The following LASP1 variants were observed in gnomAD, a reference collection of about 807,000 sequenced individuals.
LASP1 encodes LIM and SH3 domain protein 1.
LASP1 carries 10 observed loss-of-function variants against 38.6 expected under a neutral mutation model. The ratio of observed to expected loss-of-function variants is 0.26; its 90% CI spans 0.16 to 0.44. LASP1 has a LOEUF of 0.44. Ranked by LOEUF, LASP1 falls within the 20% of genes least tolerant of loss-of-function variation. The pLI is 1.00. For synonymous variants in LASP1, 132 were observed against 140.8 expected, an observed-to-expected ratio of 0.94 and a Z score of 0.44; for missense variants, 243 against 375.7, an observed-to-expected ratio of 0.65 and a Z score of 2.92.
At chr17:38,907,345 G>A (rs1298522566) in intron 4 of LASP1, among the ~76,000 whole-genome samples, 1 of 152,142 alleles carries the variant, frequency 6.6e-6, no homozygotes, top group Non-Finnish European at 1.5e-5. Context: ...AGAGTGAAAA[G>A]GGGTGCATTG....
chr17:38,891,515 G>A (rs1188390767), intron 3 of LASP1, among the ~76,000 whole-genome samples: 1 of 152,140 alleles, frequency 6.6e-6, no homozygotes, highest in Non-Finnish European at 1.5e-5. Context: ...TACAGATGAG[G>A]CGACTGAGGC....
intron 4 of LASP1, among the ~76,000 whole-genome samples, chr17:38,911,877 T>C (rs1914959386): frequency 6.6e-6 from 1 of 152,138 alleles, no homozygotes; most frequent in African/African-American, 2.4e-5. Context: ...CACCGCAACC[T>C]CTGCCTCCCA....
In LASP1 at chr17:38,876,704, G is replaced by A. The variant is rs563565890; in HGVS notation, c.70-1382G>A. 6.6e-5 allele frequency among the ~76,000 whole-genome samples: 10 copies of A among 150,770 alleles called. No individual in the cohort carries two copies. The East Asian group carries it at 1.4e-3, about 21-fold the overall frequency. On this transcript the variant is annotated intron_variant, in intron 1 of 6. Coordinates refer to ENST00000318008, the MANE Select transcript of LASP1 (RefSeq NM_006148.4). ...CTGTCATCACTCTCTTCCCTCCGTC[G>A]GCCACCCTGGATGGGCCCTGTGTCC...
chr17:38,897,076 G>T, intron 3 of LASP1: 1 of 985,630 alleles, frequency 1.0e-6, no homozygotes, highest in Non-Finnish European at 1.2e-6. Context: ...TGCTAGGCAG[G>T]TTCTGGACTC....
At chr17:38,905,173 TG>T (rs1914742089) in intron 4 of LASP1, among the ~76,000 whole-genome samples, 1 of 152,172 alleles carries the variant, frequency 6.6e-6, no homozygotes, top group Admixed American at 6.5e-5. Flanking sequence ...CCAGTTGCTA[TG>T]GACATTTTTG....
chr17:38,890,445 A>T lies in LASP1; in HGVS notation c.190A>T (p.Met64Leu). The T allele has an allele frequency of 1.2e-6, 2 of 1,613,932 alleles. No homozygotes were observed. Among genetic ancestry groups the T allele is most frequent in the Non-Finnish European group, 1.7e-6 (2 of 1,179,964 alleles). Residue 64 changes from methionine (M) to leucine (L), a missense_variant, in exon 3 of 7, where the codon ATG becomes TTG. Around this residue, in one of 4 missense-constraint regions of LASP1, gnomAD observed 43 missense variants for 108.3 expected, o/e 0.40. Coordinates refer to ENST00000318008, the MANE Select transcript of LASP1 (RefSeq NM_006148.4). ...NAHYPKQSFT[M>L]VADTPENLRL... ...ACACTACCCCAAGCAGTCCTTCACC[A>T]TGGTGGCGGACACCCCGGAAAACCT...
Position 38,895,801 on chromosome 17 carries a change from T to C in LASP1, c.250-2611T>C, listed in dbSNP as rs542024152. Among the ~76,000 whole-genome samples the C allele has an allele frequency of 9.8e-5, 15 of 152,292 alleles. No homozygotes were observed. In the East Asian group the frequency reaches 2.9e-3, roughly 29 times the overall value. On this transcript the variant is annotated intron_variant, in intron 3 of 6. Coordinates refer to ENST00000318008, the MANE Select transcript of LASP1 (RefSeq NM_006148.4). ...GCAAGATAGATCCAGGGAGAACAAC[T>C]AAGAACTGACAGAAAAATTAGAGTT...
intron 3 of LASP1, among the ~76,000 whole-genome samples, chr17:38,893,124 G>A (rs1001104119): frequency 6.6e-6 from 1 of 152,236 alleles, no homozygotes; most frequent in African/African-American, 2.4e-5. Context: ...GGAAACTGAG[G>A]TTTACAGAGG....
intron 3 of LASP1, among the ~76,000 whole-genome samples, chr17:38,891,085 T>G (rs573410493): frequency 6.6e-6 from 1 of 152,104 alleles, no homozygotes; most frequent in East Asian, 1.9e-4. Flanking sequence ...GAACTTGGTC[T>G]TTAGGGGACA....
chr17:38,909,936 C>CAG (rs1914886851), intron 4 of LASP1, among the ~76,000 whole-genome samples: 1 of 152,084 alleles, frequency 6.6e-6, no homozygotes, highest in South Asian at 2.1e-4. Context: ...TCAGTAGAGA[C>CAG]AGGGTTTCAC....
At position 38,902,257 on chromosome 17, in the gene LASP1, T is replaced by A. The variant is rs570851283; in HGVS notation, c.357+3738T>A. 1.3e-4 allele frequency among the ~76,000 whole-genome samples: 20 copies of A among 151,932 alleles called. No homozygotes were observed. In the South Asian group the frequency reaches 4.2e-3, roughly 32 times the overall value. ...TCTTTTTTTTGCAGAGACACTATCT[T>A]GCTATGTTGCCCAGGCTGGTCTCAA... On this transcript the variant is annotated intron_variant, in intron 4 of 6. Transcript: ENST00000318008.
At chr17:38,880,720 G>C (rs1047233211) in intron 2 of LASP1, among the ~76,000 whole-genome samples, 1 of 152,220 alleles carries the variant, frequency 6.6e-6, no homozygotes, top group Admixed American at 6.5e-5. Context: ...GAAGTTACCC[G>C]TGGGGATTCT....
chr17:38,901,463 G>C (rs193035942), intron 4 of LASP1, among the ~76,000 whole-genome samples: 1 of 152,342 alleles, frequency 6.6e-6, no homozygotes, highest in East Asian at 1.9e-4. Flanking sequence ...GCAAAGCCTG[G>C]AGACTCTTGG....
chr17:38,879,058 T>G (rs540270809), intron 2 of LASP1, among the ~76,000 whole-genome samples: 3 of 151,580 alleles, frequency 2.0e-5, no homozygotes, highest in Non-Finnish European at 2.9e-5. Flanking sequence ...ACAAACTCAG[T>G]GTTGGGGCCT....
chr17:38,896,044 C>G (rs941766031), intron 3 of LASP1, among the ~76,000 whole-genome samples: 1 of 152,180 alleles, frequency 6.6e-6, no homozygotes, highest in Non-Finnish European at 1.5e-5. Flanking sequence ...GTCCCTTCCT[C>G]CACAGGGACC....
rs1032357744 is a variant in LASP1, at chr17:38,919,393, G to T, written c.*615G>T. On this transcript the variant is annotated 3_prime_UTR_variant, in exon 7 of 7. Coordinates refer to ENST00000318008, the MANE Select transcript of LASP1 (RefSeq NM_006148.4). ...TGGGGCGAATTCATCCCCTCCCCGC[G>T]CGTTCCTTCGCACACTGTGATTTTG... 5.8e-5 allele frequency: 14 copies of T among 240,364 alleles called. No homozygotes were observed. Among genetic ancestry groups the T allele is most frequent in the African/African-American group, 3.1e-4 (14 of 45,396 alleles). The allele number at this position is 240,364 out of a possible 1,614,324, so 14.9% of individuals were successfully genotyped here.
rs1915280471 is a variant in LASP1, at chr17:38,920,867, G to A, written c.*2089G>A. On this transcript the variant is annotated 3_prime_UTR_variant, in exon 7 of 7. Transcript: ENST00000318008. ...TTTCCTCTTGATCTCAAAGCACAAT[G>A]TGGATTTGGGGACCAAAGGTCAGGG... 1 of 232,444 alleles carries A rather than the reference G, an allele frequency of 4.3e-6. No homozygotes were observed. The highest frequency in any genetic ancestry group is 8.5e-6 in the Non-Finnish European group (1 of 117,346). The allele number at this position is 232,444 out of a possible 1,614,324, so 14.4% of individuals were successfully genotyped here. A position where few individuals can be genotyped will look rare whatever the true frequency, so the allele number is the denominator to read the frequency against.
intron 1 of LASP1, chr17:38,873,835 C>T (rs761586044): frequency 3.3e-5 from 5 of 152,244 alleles, no homozygotes; most frequent in Admixed American, 2.6e-4. Flanking sequence ...GAGATGGTCT[C>T]ATAATCCATC....
intron 4 of LASP1, chr17:38,903,613 A>C (rs1430249549): frequency 6.6e-6 from 1 of 152,092 alleles, no homozygotes. Flanking sequence ...GCAGCCTTGA[A>C]CTCCTGGGTT....
Sources: allele counts gnomAD v4.1 joint callset (sites outside exome capture counted in the v4.1 genomes callset), GRCh38; gene constraint gnomAD v4.1.1; regional missense constraint gnomAD v4.1.1; transcripts MANE v1.5; gene names NCBI Gene and HGNC (gene_info 2026-07-23, HGNC 2026-07-21).